Variants in NALCN observed in about 807,000 individuals in gnomAD.
NALCN encodes the protein sodium leak channel, non-selective, also known as sodium leak channel NALCN.
NALCN carries 111 observed loss-of-function variants against 225.3 expected under a neutral mutation model. The observed-to-expected ratio is 0.49, with a 90% CI of 0.42 to 0.58. The LOEUF (loss-of-function observed/expected upper bound fraction) is 0.58, where lower values mean the gene tolerates loss of function less well. Among genes scored for constraint, NALCN ranks in the 20% least tolerant of loss-of-function variants. The probability of loss-of-function intolerance (pLI) is 0.00; values close to 1 mark genes in which losing one functional copy is unlikely to be tolerated. For synonymous variants in NALCN, 764 were observed against 769.0 expected (o/e 0.99, Z 0.11); for missense variants, 1,378 against 2,202.4 (o/e 0.63, Z 7.49).
intron 13 of NALCN, among the ~76,000 whole-genome samples, chr13:101,228,394 T>A (rs143556205): frequency 7.8e-4 from 119 of 152,294 alleles, no homozygotes; most frequent in African/African-American, 2.7e-3. Flanking sequence ...CCCACCCAAA[T>A]GTCATCTTGA....
chr13:101,385,950 G>A (rs544707643), intron 3 of NALCN, among the ~76,000 whole-genome samples: 18 of 152,150 alleles, frequency 1.2e-4, no homozygotes, highest in African/African-American at 4.3e-4. Context: ...TTAGAGACCC[G>A]TGAATCTGTG....
intron 12 of NALCN, among the ~76,000 whole-genome samples, chr13:101,231,195 TAC>T (rs113196890): frequency 1.8e-4 from 27 of 151,140 alleles, no homozygotes; most frequent in East Asian, 7.8e-4. Flanking sequence ...TGACTGTGTA[TAC>T]ACACACACAC....
At chr13:101,392,702 A>G (rs2047180184) in intron 3 of NALCN, among the ~76,000 whole-genome samples, 1 of 152,216 alleles carries the variant, frequency 6.6e-6, no homozygotes, top group African/African-American at 2.4e-5. Flanking sequence ...GGGCATAAAA[A>G]TTACAAAGAA....
At chr13:101,404,701 G>A (rs1003937433) in intron 1 of NALCN, among the ~76,000 whole-genome samples, 1 of 152,178 alleles carries the variant, frequency 6.6e-6, no homozygotes, top group Non-Finnish European at 1.5e-5. Flanking sequence ...TTAAATGGCT[G>A]CTTACACATG....
chr13:101,404,622 G>A (rs2047565830), intron 1 of NALCN, among the ~76,000 whole-genome samples: 1 of 152,186 alleles, frequency 6.6e-6, no homozygotes, highest in African/African-American at 2.4e-5. Flanking sequence ...TACTCTCCAA[G>A]AGGATATGAA....
chr13:101,112,911 G>T (rs1285095881), intron 18 of NALCN, among the ~76,000 whole-genome samples: 1 of 151,746 alleles, frequency 6.6e-6, no homozygotes, highest in Non-Finnish European at 1.5e-5. Flanking sequence ...TATTACAGAA[G>T]AACTTATATA....
chr13:101,210,595 G>A (rs760113389), intron 13 of NALCN, among the ~76,000 whole-genome samples: 13 of 152,088 alleles, frequency 8.5e-5, no homozygotes, highest in Non-Finnish European at 1.3e-4. Flanking sequence ...AACTGGAATT[G>A]GGGACTATTT....
At chr13:101,088,571 G>A (rs1003070897) in intron 30 of NALCN, among the ~76,000 whole-genome samples, 4 of 152,146 alleles carry the variant, frequency 2.6e-5, no homozygotes, top group African/African-American at 7.2e-5. Context: ...TTCTGCAACC[G>A]TGCATTTGAG....
At chr13:101,159,446 C>T (rs2038058088) in intron 15 of NALCN, among the ~76,000 whole-genome samples, 1 of 152,178 alleles carries the variant, frequency 6.6e-6, no homozygotes, top group Non-Finnish European at 1.5e-5. Context: ...GTTGCCTATG[C>T]TGGGGATTGC....
At chr13:101,200,558 C>T (rs1924428) in intron 13 of NALCN, among the ~76,000 whole-genome samples, 94,535 of 151,984 alleles carry the variant, frequency 0.62, 30,210 homozygotes, top group African/African-American at 0.78. Flanking sequence ...AAAGTTTCCA[C>T]AGCTTCTCTT....
chr13:101,249,678 TAGA>T (rs1411634859), intron 11 of NALCN, among the ~76,000 whole-genome samples: 3 of 152,122 alleles, frequency 2.0e-5, no homozygotes, highest in African/African-American at 7.2e-5. Context: ...TCAGTATAGG[TAGA>T]AGAAGATTGA....
intron 10 of NALCN, among the ~76,000 whole-genome samples, chr13:101,273,101 C>A (rs1176228062): frequency 6.6e-6 from 1 of 152,200 alleles, no homozygotes; most frequent in African/African-American, 2.4e-5. Flanking sequence ...TACTTTCATT[C>A]TCTTGTCAGA....
Position 101,229,322 on chromosome 13 carries a change from A to G in NALCN, c.1626+71T>C. ...ACTTCTGAATGACTAAAGTGAAATT[A>G]CTTTGATGTTAATCATTATTACTAA... is the stretch of plus-strand genomic sequence containing the variant. On this transcript the variant is annotated intron_variant, in intron 13 of 43. Transcript: ENST00000251127. The G allele has an allele frequency of 1.5e-6, 2 of 1,301,652 alleles. 1 individual carries two copies. Among genetic ancestry groups the G allele is most frequent in the Non-Finnish European group, 2.1e-6 (2 of 965,402 alleles). 80.6% of individuals were successfully genotyped at this position (1,301,652 alleles called of 1,614,324 possible). A position where few individuals can be genotyped will look rare whatever the true frequency, so the allele number is the denominator to read the frequency against.
chr13:101,204,102 A>T (rs1022264853), intron 13 of NALCN, among the ~76,000 whole-genome samples: 9 of 152,212 alleles, frequency 5.9e-5, no homozygotes, highest in Admixed American at 3.9e-4. Flanking sequence ...CTTTTAAATG[A>T]TAAAGATTTT....
At chr13:101,148,761 A>G (rs2037484012) in intron 15 of NALCN, among the ~76,000 whole-genome samples, 1 of 152,132 alleles carries the variant, frequency 6.6e-6, no homozygotes. Context: ...GCGGAACTCA[A>G]CTCTAAGCTA....
rs567772378 is a variant in NALCN at position 101,261,367 on chromosome 13, T to A, written c.1135-2793A>T. On this transcript the variant is annotated intron_variant, in intron 10 of 43. Coordinates refer to ENST00000251127, the MANE Select transcript of NALCN (RefSeq NM_052867.4). The stretch of plus-strand genomic sequence containing the variant: ...TCTGTGGTTTCATATAATTTTAGAA[T>A]TTTTTTCTATTTCTGTGAAGAATAT... Among the ~76,000 whole-genome samples the A allele has an allele frequency of 2.0e-5, 3 of 152,274 alleles. No individual in the cohort carries two copies. In the South Asian group the frequency reaches 6.2e-4, roughly 32 times the overall value.
At chr13:101,120,415 C>T (rs1314152846) in intron 18 of NALCN, among the ~76,000 whole-genome samples, 1 of 151,976 alleles carries the variant, frequency 6.6e-6, no homozygotes, top group Non-Finnish European at 1.5e-5. Flanking sequence ...ACCCCTTTCT[C>T]CAGACAGTAG....
chr13:101,227,721 G>C (rs1298688588), intron 13 of NALCN, among the ~76,000 whole-genome samples: 1 of 152,138 alleles, frequency 6.6e-6, no homozygotes, highest in East Asian at 1.9e-4. Flanking sequence ...TCAGCCTCTT[G>C]AACCTGGTGC....
chr13:101,373,064 G>A, intron 6 of NALCN: 3 of 393,782 alleles, frequency 7.6e-6, no homozygotes, highest in Admixed American at 3.0e-5. Flanking sequence ...TAAACATTAT[G>A]CAATATTGAC....
Sources: gnomAD v4.1 joint callset for allele counts (sites outside exome capture counted in the v4.1 genomes callset) on GRCh38, gnomAD v4.1.1 for gene constraint, MANE v1.5 for transcripts, NCBI Gene and HGNC (gene_info 2026-07-23, HGNC 2026-07-21) for gene names.